CLIP2: variants seen among roughly 807,000 people sequenced by gnomAD.
CLIP2 encodes the protein CAP-Gly domain containing linker protein 2.
In CLIP2, 41 loss-of-function variants were observed where a neutral mutation model predicts 111.7. The observed-to-expected ratio is 0.37, with a 90% confidence interval of 0.29 to 0.48. The LOEUF is 0.48. Among genes scored for constraint, CLIP2 ranks in the 20% least tolerant of loss-of-function variants. The probability of loss-of-function intolerance (pLI) is 0.99; values close to 1 mark genes in which losing one functional copy is unlikely to be tolerated. For missense variants in CLIP2, 1,160 were observed against 1,422.1 expected (o/e 0.82, Z 2.96); for synonymous variants, 660 against 644.2 (o/e 1.02, Z -0.37).
intron 1 of CLIP2, among the ~76,000 whole-genome samples, chr7:74,305,862 CCCACCGCCCCT>C (rs1788471098): frequency 8.9e-6 from 1 of 112,564 alleles, no homozygotes; most frequent in African/African-American, 4.6e-5. Context: ...CCAACCCCCC[CCCACCGCCCCT>C]GCTGCCAGTT....
intron 2 of CLIP2, among the ~76,000 whole-genome samples, chr7:74,323,081 TTTTATTTATTTATTTATTTATTTA>T (rs58819810): frequency 3.3e-4 from 48 of 144,934 alleles, no homozygotes; most frequent in Non-Finnish European, 6.0e-4. Flanking sequence ...TTTAGCTATG[TTTTATTTATTTATTTATTTATTTA>T]TTTATTTATT....
intron 3 of CLIP2, among the ~76,000 whole-genome samples, chr7:74,349,208 A>G (rs2528481): frequency 0.8 from 121,237 of 151,142 alleles, 48,717 homozygotes; most frequent in East Asian, 0.92. Context: ...CAAGGCGGGC[A>G]GATCACAAGG....
chr7:74,388,815 G>A, intron 12 of CLIP2: 1 of 246,466 alleles, frequency 4.1e-6, no homozygotes, highest in Non-Finnish European at 7.7e-6. Flanking sequence ...AAACCGCCAG[G>A]TATGATGGTG....
Position 74,360,193 on chromosome 7 carries a change from G to C in CLIP2, c.1234G>C (p.Glu412Gln). Residue 412 changes from glutamate (E) to glutamine (Q), a missense_variant, in exon 7 of 17, where the codon GAG becomes CAG. Glu to Gln is a conservative substitution (Grantham distance 29, BLOSUM62 2). Transcript: ENST00000223398. Reference sequence around the variant, plus strand: ...GGCCCAGTATGTTGCAGAAGCCGAGGAGAAGCTGCAGCGAGCCCGGCTGCT... The same window carrying C: ...GGCCCAGTATGTTGCAGAAGCCGAGCAGAAGCTGCAGCGAGCCCGGCTGCT... ...QHEQYVAEAE[E>Q]KLQRARLLVE... is the part of the protein sequence containing the mutation. 6.2e-7 allele frequency: 1 copy of C among 1,606,386 alleles called. No individual in the cohort carries two copies. Among genetic ancestry groups the C allele is most frequent in the Non-Finnish European group, 8.5e-7 (1 of 1,176,734 alleles).
intron 2 of CLIP2, among the ~76,000 whole-genome samples, chr7:74,323,631 T>C (rs569016858): frequency 6.6e-6 from 1 of 152,242 alleles, no homozygotes; most frequent in East Asian, 1.9e-4. Context: ...TTCACCATGT[T>C]GGCCAGGCTG....
intron 3 of CLIP2, among the ~76,000 whole-genome samples, chr7:74,350,887 AAAG>A (rs1554307360): frequency 7.5e-6 from 1 of 133,524 alleles, no homozygotes; most frequent in Non-Finnish European, 1.5e-5. Flanking sequence ...AGAGAGAGAG[AAAG>A]AAGGAAGGAA....
intron 11 of CLIP2, among the ~76,000 whole-genome samples, chr7:74,385,170 C>T: frequency 6.7e-6 from 1 of 150,292 alleles, no homozygotes; most frequent in East Asian, 2.0e-4. Flanking sequence ...TGATGCATGC[C>T]TGTAATCGCA....
At chr7:74,300,174 A>G (rs1788288258) in intron 1 of CLIP2, among the ~76,000 whole-genome samples, 1 of 151,166 alleles carries the variant, frequency 6.6e-6, no homozygotes, top group African/African-American at 2.4e-5. Flanking sequence ...TTTAGTAGAG[A>G]TGGGATTTTG....
chr7:74,301,953 TC>T (rs1309066326), intron 1 of CLIP2, among the ~76,000 whole-genome samples: 1 of 151,982 alleles, frequency 6.6e-6, no homozygotes, highest in Non-Finnish European at 1.5e-5. Flanking sequence ...CCTCAAGTGA[TC>T]CACCCGCCTT....
In CLIP2 at chr7:74,388,095, C is replaced by T. The variant is rs537766341; in HGVS notation, c.2564-1008C>T. 1.1e-3 allele frequency among the ~76,000 whole-genome samples: 174 copies of T among 151,928 alleles called. 1 individual carries two copies. Among genetic ancestry groups the T allele is most frequent in the African/African-American group, 3.9e-3 (163 of 41,460 alleles). ...CTGTAATCCCAGCAGTTTGGGAGGC[C>T]GAAGCGGGTAGATCACCTGAGGTCA... is the stretch of plus-strand genomic sequence containing the variant. On this transcript the variant is annotated intron_variant, in intron 12 of 16. Coordinates refer to ENST00000223398, the MANE Select transcript of CLIP2 (RefSeq NM_003388.5).
At chr7:74,296,081 T>C (rs1299792655) in intron 1 of CLIP2, among the ~76,000 whole-genome samples, 1 of 150,356 alleles carries the variant, frequency 6.7e-6, no homozygotes, top group Non-Finnish European at 1.5e-5. Context: ...GGTGTCCTCA[T>C]CCAATATGAC....
intron 15 of CLIP2, among the ~76,000 whole-genome samples, 154 bp downstream of exon 15, chr7:74,400,709 C>G (rs1356314150): frequency 1.3e-5 from 2 of 152,162 alleles, no homozygotes; most frequent in African/African-American, 2.4e-5. Flanking sequence ...GGGGAGGTAG[C>G]CCTGTCCCAG....
At chr7:74,310,715 TC>T (rs1209986004) in intron 1 of CLIP2, among the ~76,000 whole-genome samples, 55 of 151,984 alleles carry the variant, frequency 3.6e-4, no homozygotes, top group African/African-American at 1.3e-3. Context: ...TTTTTAACTT[TC>T]TTTTTTTTTT....
At chr7:74,393,762 A>G (rs1463759568) in intron 13 of CLIP2, among the ~76,000 whole-genome samples, 1 of 152,230 alleles carries the variant, frequency 6.6e-6, no homozygotes. Flanking sequence ...CATTTGCTAC[A>G]AATCTAACAC....
chr7:74,363,016 T>C (rs1261767919), intron 7 of CLIP2, among the ~76,000 whole-genome samples: 15 of 151,242 alleles, frequency 9.9e-5, no homozygotes, highest in African/African-American at 2.4e-4. Context: ...TTTTTTTTTT[T>C]CCCCCAAGAT....
At chr7:74,302,221 T>A (rs555078438) in intron 1 of CLIP2, among the ~76,000 whole-genome samples, 26 of 152,146 alleles carry the variant, frequency 1.7e-4, no homozygotes, top group South Asian at 1.7e-3. Flanking sequence ...TTTTTTATTT[T>A]AAAAATTTTT....
chr7:74,401,484 T>G, intron 15 of CLIP2, 21 bp from the exon 16 acceptor site: 3 of 1,613,466 alleles, frequency 1.9e-6, no homozygotes, highest in Non-Finnish European at 2.5e-6. Context: ...CCTGGCTCAG[T>G]GTCTCCCCTA....
chr7:74,339,298 C>CTTATTTAT lies in CLIP2; in HGVS notation c.678+309_678+316dup, dbSNP rs3044358. Among the ~76,000 whole-genome samples the CTTATTTAT allele has an allele frequency of 1.2e-3, 184 of 150,346 alleles. 1 individual carries two copies. Among genetic ancestry groups the CTTATTTAT allele is most frequent in the Non-Finnish European group, 2.1e-3 (139 of 67,568 alleles). On this transcript the variant is annotated intron_variant, in intron 3 of 16. Coordinates refer to ENST00000223398, the MANE Select transcript of CLIP2 (RefSeq NM_003388.5). ...GATATTTATTTATTTACTTATTTTA[C>CTTATTTAT]TTATTTATTTATTTATTTATTTTTG...
intron 10 of CLIP2, among the ~76,000 whole-genome samples, chr7:74,377,393 G>A (rs147910339): frequency 5.3e-5 from 8 of 152,304 alleles, no homozygotes; most frequent in Non-Finnish European, 8.8e-5. Context: ...TAAAGAGGTC[G>A]CTGTCACCAA....
Sources: allele counts gnomAD v4.1 joint callset (sites outside exome capture counted in the v4.1 genomes callset), GRCh38; gene constraint gnomAD v4.1.1; transcripts MANE v1.5; gene names NCBI Gene and HGNC (gene_info 2026-07-23, HGNC 2026-07-21).